AGBL4: variants seen among roughly 807,000 people sequenced by gnomAD.
AGBL4 encodes AGBL carboxypeptidase 4, also known as cytosolic carboxypeptidase 6.
In AGBL4, 58 loss-of-function variants were observed where a neutral mutation model predicts 66.4. That is an observed-to-expected ratio of 0.87 (90% CI 0.71 to 1.09). The LOEUF is 1.09. Among genes scored for constraint, AGBL4 ranks in the 50% least tolerant of loss-of-function variants. The pLI, the probability that AGBL4 is intolerant of heterozygous loss-of-function variation, is 0.00. For synonymous variants in AGBL4, 234 were observed against 222.9 expected (o/e 1.05, Z -0.44); for missense variants, 579 against 631.0 (o/e 0.92, Z 0.88).
chr1:49,161,984 A>G (rs1646550366), intron 4 of AGBL4, among the ~76,000 whole-genome samples: 1 of 152,124 alleles, frequency 6.6e-6, no homozygotes. Context: ...TTACTTAGCT[A>G]CCCAACAAGT....
At chr1:49,138,706 G>A (rs1057169059) in intron 4 of AGBL4, among the ~76,000 whole-genome samples, 1 of 152,080 alleles carries the variant, frequency 6.6e-6, no homozygotes, top group Non-Finnish European at 1.5e-5. Flanking sequence ...ACATTTCCAT[G>A]TGGATTCAAA....
At position 48,850,373 on chromosome 1, in the gene AGBL4, G is replaced by C. The variant is rs559013074; in HGVS notation, c.634+16818C>G. ...AGCAGATGGAAGAAGTACTGGGTTA[G>C]TAAATTGGTGGGTAAGGTTTGCTGT... On this transcript the variant is annotated intron_variant, in intron 6 of 13. Transcript: ENST00000371839. 3.3e-5 allele frequency among the ~76,000 whole-genome samples: 5 copies of C among 152,286 alleles called. No homozygotes were observed. In the East Asian group the frequency reaches 9.7e-4, roughly 29 times the overall value.
At position 48,948,869 on chromosome 1, in the gene AGBL4, T is replaced by TA. The variant is rs77534382; in HGVS notation, c.595-81640dup. ...CATAAGAGATACATGCATAAAAGAC[T>TA]AAAAAAAAAAAAATTGAAAGGATGT... On this transcript the variant is annotated intron_variant, in intron 5 of 13. Coordinates refer to ENST00000371839, the MANE Select transcript of AGBL4 (RefSeq NM_032785.4). 5.5e-3 allele frequency among the ~76,000 whole-genome samples: 774 copies of TA among 141,570 alleles called. 4 individuals are homozygous for TA. Among genetic ancestry groups the TA allele is most frequent in the African/African-American group, 0.013 (482 of 38,548 alleles). The allele number at this position is 141,570 out of a possible 152,430, so 92.9% of individuals were successfully genotyped here. A position where few individuals can be genotyped will look rare whatever the true frequency, so the allele number is the denominator to read the frequency against.
chr1:49,603,961 CA>C (rs1645016275), intron 3 of AGBL4, among the ~76,000 whole-genome samples: 2 of 151,372 alleles, frequency 1.3e-5, no homozygotes, highest in African/African-American at 2.4e-5. Context: ...CACACACACA[CA>C]CACACACACA....
chr1:49,593,037 C>A (rs1353195052), intron 3 of AGBL4, among the ~76,000 whole-genome samples: 1 of 152,158 alleles, frequency 6.6e-6, no homozygotes, highest in Admixed American at 6.5e-5. Context: ...AGGAATTTAT[C>A]CTTACAGATT....
At chr1:49,981,933 A>G (rs1448606070) in intron 1 of AGBL4, among the ~76,000 whole-genome samples, 1 of 152,202 alleles carries the variant, frequency 6.6e-6, no homozygotes, top group African/African-American at 2.4e-5. Context: ...TCATTTGTTC[A>G]ATTGTTTCAA....
chr1:49,468,675 T>G (rs1307429448), intron 3 of AGBL4, among the ~76,000 whole-genome samples: 3 of 151,878 alleles, frequency 2.0e-5, no homozygotes, highest in Non-Finnish European at 2.9e-5. Flanking sequence ...TACAATTCAC[T>G]ATGCTATGTA....
intron 1 of AGBL4, among the ~76,000 whole-genome samples, chr1:49,989,215 TA>T (rs1336403914): frequency 1.3e-5 from 2 of 152,172 alleles, no homozygotes; most frequent in African/African-American, 4.8e-5. Flanking sequence ...AATAATGGAT[TA>T]ATTTAACAGA....
At chr1:49,608,362 C>G (rs1254778217) in intron 3 of AGBL4, among the ~76,000 whole-genome samples, 1 of 152,106 alleles carries the variant, frequency 6.6e-6, no homozygotes, top group African/African-American at 2.4e-5. Flanking sequence ...GTCATTGGCA[C>G]CAGAAATTTT....
intron 2 of AGBL4, among the ~76,000 whole-genome samples, chr1:49,835,803 G>A (rs892412230): frequency 4.6e-5 from 7 of 152,154 alleles, no homozygotes; most frequent in African/African-American, 1.7e-4. Context: ...CTTATCTGTA[G>A]AGGATTTTAT....
At chr1:49,797,998 G>A (rs1171153223) in intron 2 of AGBL4, among the ~76,000 whole-genome samples, 1 of 152,006 alleles carries the variant, frequency 6.6e-6, no homozygotes, top group Non-Finnish European at 1.5e-5. Context: ...ACAGACCTCA[G>A]GTGATACATC....
intron 6 of AGBL4, among the ~76,000 whole-genome samples, chr1:48,700,244 T>C (rs1183856759): frequency 6.6e-6 from 1 of 152,202 alleles, no homozygotes; most frequent in Non-Finnish European, 1.5e-5. Context: ...TTTGGGGCAA[T>C]GTCTGTAGGG....
At chr1:49,396,868 C>A (rs1333338640) in intron 3 of AGBL4, among the ~76,000 whole-genome samples, 1 of 152,124 alleles carries the variant, frequency 6.6e-6, no homozygotes, top group Non-Finnish European at 1.5e-5. Flanking sequence ...CGAGTAAATG[C>A]AGACATTCTC....
At chr1:49,020,140 C>T (rs1043605219) in intron 5 of AGBL4, among the ~76,000 whole-genome samples, 2 of 152,060 alleles carry the variant, frequency 1.3e-5, no homozygotes, top group African/African-American at 2.4e-5. Flanking sequence ...GATTCAAATG[C>T]GATCTGTCTG....
chr1:48,924,892 G>A (rs1012737684), intron 5 of AGBL4, among the ~76,000 whole-genome samples: 5 of 152,042 alleles, frequency 3.3e-5, no homozygotes, highest in African/African-American at 9.7e-5. Flanking sequence ...AATTTTAAAT[G>A]TACTTTGAAT....
intron 4 of AGBL4, among the ~76,000 whole-genome samples, chr1:49,097,576 T>G (rs930607879): frequency 3.3e-5 from 5 of 152,228 alleles, no homozygotes; most frequent in African/African-American, 1.2e-4. Flanking sequence ...AGACTTTGGC[T>G]CTAGACAATT....
intron 9 of AGBL4, among the ~76,000 whole-genome samples, chr1:48,606,837 G>C (rs940743537): frequency 6.6e-6 from 1 of 152,128 alleles, no homozygotes. Context: ...AATAACAAGA[G>C]GAAACTATGC....
chr1:49,331,902 G>A (rs1006253572), intron 3 of AGBL4, among the ~76,000 whole-genome samples: 1 of 151,792 alleles, frequency 6.6e-6, no homozygotes, highest in Non-Finnish European at 1.5e-5. Flanking sequence ...TCTAGACATA[G>A]CTCTGATCTC....
intron 3 of AGBL4, among the ~76,000 whole-genome samples, chr1:49,392,972 T>C (rs1425025208): frequency 1.3e-5 from 2 of 152,234 alleles, no homozygotes; most frequent in African/African-American, 4.8e-5. Context: ...CAATGTTAGT[T>C]TAAAATCTAG....
Sources: gnomAD v4.1 joint callset for allele counts (sites outside exome capture counted in the v4.1 genomes callset) on GRCh38, gnomAD v4.1.1 for gene constraint, MANE v1.5 for transcripts, NCBI Gene and HGNC (gene_info 2026-07-23, HGNC 2026-07-21) for gene names.